EPB41L2: variants seen among roughly 807,000 people sequenced by gnomAD.
EPB41L2 encodes the protein band 4.1-like protein 2.
EPB41L2 carries 43 observed loss-of-function variants against 113.0 expected under a neutral mutation model. The ratio of observed to expected loss-of-function variants is 0.38; its 90% CI spans 0.30 to 0.49. The LOEUF is 0.49. EPB41L2 is among the 20% of genes least tolerant of loss of function. The probability of loss-of-function intolerance (pLI) is 0.95; values close to 1 mark genes in which losing one functional copy is unlikely to be tolerated. For missense variants in EPB41L2, 1,147 were observed against 1,223.4 expected (o/e 0.94, Z 0.93); for synonymous variants, 442 against 436.7 (o/e 1.01, Z -0.15).
chr6:130,985,082 A>T (rs1345923153), intron 1 of EPB41L2, among the ~76,000 whole-genome samples: 1 of 152,176 alleles, frequency 6.6e-6, no homozygotes, highest in Admixed American at 6.5e-5. Flanking sequence ...AAGCCAAAAA[A>T]ACCAGCCTGA....
At chr6:130,944,771 CAG>C (rs1185222445) in intron 3 of EPB41L2, among the ~76,000 whole-genome samples, 1 of 152,088 alleles carries the variant, frequency 6.6e-6, no homozygotes, top group African/African-American at 2.4e-5. Flanking sequence ...CAAGTGGTAA[CAG>C]AGGTCAAAAG....
chr6:130,958,068 T>C (rs1818054301), intron 1 of EPB41L2, among the ~76,000 whole-genome samples: 2 of 152,214 alleles, frequency 1.3e-5, no homozygotes, highest in African/African-American at 2.4e-5. Flanking sequence ...GGTAAGTTCA[T>C]GGGCACATGA....
intron 1 of EPB41L2, among the ~76,000 whole-genome samples, chr6:130,964,297 C>T (rs1774415020): frequency 1.3e-5 from 2 of 152,192 alleles, no homozygotes; most frequent in Admixed American, 1.3e-4. Flanking sequence ...GCTGGGATTA[C>T]AGGCATGAAC....
intron 1 of EPB41L2, among the ~76,000 whole-genome samples, chr6:130,962,356 C>A (rs891134328): frequency 2.0e-5 from 3 of 152,160 alleles, no homozygotes; most frequent in Admixed American, 6.5e-5. Context: ...ATAACAAAAA[C>A]AGGCAGACTT....
chr6:130,974,508 CAG>C (rs1161178122), intron 1 of EPB41L2, among the ~76,000 whole-genome samples: 4 of 151,938 alleles, frequency 2.6e-5, no homozygotes, highest in African/African-American at 9.7e-5. Flanking sequence ...TGGGAGAATT[CAG>C]AGAGAATGAG....
At chr6:131,041,490 G>A (rs1054870762) in intron 1 of EPB41L2, among the ~76,000 whole-genome samples, 4 of 152,156 alleles carry the variant, frequency 2.6e-5, no homozygotes, top group Admixed American at 2.0e-4. Flanking sequence ...TGTATCACTT[G>A]ATAGGAAGCA....
At chr6:130,848,182 GTCTCTCTC>G (rs903761832) in intron 19 of EPB41L2, among the ~76,000 whole-genome samples, 3 of 121,008 alleles carry the variant, frequency 2.5e-5, no homozygotes, top group African/African-American at 8.4e-5. Flanking sequence ...GTCTCTCTCT[GTCTCTCTC>G]TCTCTCTCTC....
At chr6:131,019,956 G>C (rs1007955969) in intron 1 of EPB41L2, among the ~76,000 whole-genome samples, 3 of 152,082 alleles carry the variant, frequency 2.0e-5, no homozygotes, top group African/African-American at 7.2e-5. Context: ...CTTTCCCATA[G>C]TCTAGGTCCA....
intron 1 of EPB41L2, among the ~76,000 whole-genome samples, chr6:131,029,633 C>T (rs1791652177): frequency 6.6e-6 from 1 of 152,176 alleles, no homozygotes; most frequent in Admixed American, 6.5e-5. Flanking sequence ...CACCTCAACG[C>T]CCATGGAATC....
intron 8 of EPB41L2, among the ~76,000 whole-genome samples, chr6:130,895,817 T>C (rs1794471266): frequency 6.6e-6 from 1 of 152,222 alleles, no homozygotes; most frequent in South Asian, 2.1e-4. Context: ...CTGGAATCGA[T>C]GACAATCTAG....
chr6:131,029,849 C>G (rs1791707396), intron 1 of EPB41L2, among the ~76,000 whole-genome samples: 1 of 151,524 alleles, frequency 6.6e-6, no homozygotes, highest in African/African-American at 2.4e-5. Flanking sequence ...TCTGATTGTT[C>G]TGAGCCCTTT....
At chr6:130,931,932 C>T (rs1041028664) in intron 3 of EPB41L2, among the ~76,000 whole-genome samples, 1 of 152,118 alleles carries the variant, frequency 6.6e-6, no homozygotes, top group Non-Finnish European at 1.5e-5. Flanking sequence ...CAGTAAGTTA[C>T]GTAACTTCTC....
chr6:131,035,676 A>G (rs1441058711), intron 1 of EPB41L2, among the ~76,000 whole-genome samples: 1 of 152,210 alleles, frequency 6.6e-6, no homozygotes, highest in Non-Finnish European at 1.5e-5. Flanking sequence ...GACCAGATAG[A>G]CCTGGATTCA....
chr6:131,031,932 C>T (rs1405281570), intron 1 of EPB41L2, among the ~76,000 whole-genome samples: 5 of 152,168 alleles, frequency 3.3e-5, no homozygotes, highest in African/African-American at 1.2e-4. Flanking sequence ...GCTACACTTA[C>T]TCCAAAGTGA....
In EPB41L2 at chr6:130,934,157, C is replaced by T. The variant is rs145696846; in HGVS notation, c.706-7448G>A. Reference sequence around the variant, plus strand: ...GGAAGAAGAGAGAGTGTCTCAAATCCAAGGCTGTGATTTATCAGATAATTA... The same window carrying T: ...GGAAGAAGAGAGAGTGTCTCAAATCTAAGGCTGTGATTTATCAGATAATTA... On this transcript the variant is annotated intron_variant, in intron 3 of 19. Coordinates refer to ENST00000337057, the MANE Select transcript of EPB41L2 (RefSeq NM_001431.4). 1.8e-4 allele frequency among the ~76,000 whole-genome samples: 28 copies of T among 152,174 alleles called. No individual in the cohort carries two copies. In the East Asian group the frequency reaches 5.4e-3, roughly 29 times the overall value.
At position 130,955,254 on chromosome 6, in the gene EPB41L2, C is replaced by T. The variant is rs1187761934; in HGVS notation, c.556G>A (p.Glu186Lys). 1 of 1,614,148 alleles carries T rather than the reference C, an allele frequency of 6.2e-7. No individual in the cohort carries two copies. Among genetic ancestry groups the T allele is most frequent in the Non-Finnish European group, 8.5e-7 (1 of 1,180,022 alleles). ...KVKETQEDKL[E>K]GGAAKRETKE... is the part of the protein sequence containing the mutation. ...GTCTCCCTTTTTGCTGCTCCTCCTT[C>T]TAATTTGTCTTCCTGTGTTTCTTTT... The change falls in exon 3 of 20, where the codon GAA (glutamate) becomes AAA (lysine). Residue 186 changes from glutamate (E) to lysine (K), a missense_variant. By Grantham distance (56) the Glu-to-Lys change is moderately conservative (BLOSUM62 1). Transcript: ENST00000337057.
chr6:130,855,447 T>C (rs1272753715), intron 19 of EPB41L2, among the ~76,000 whole-genome samples: 1 of 152,176 alleles, frequency 6.6e-6, no homozygotes, highest in Non-Finnish European at 1.5e-5. Flanking sequence ...CTCAGGCCAC[T>C]GGATGTTTTA....
intron 1 of EPB41L2, among the ~76,000 whole-genome samples, chr6:131,033,810 C>T (rs1792726934): frequency 6.6e-6 from 1 of 152,152 alleles, no homozygotes. Context: ...TACTGTTTAA[C>T]GGGTACAGAG....
intron 4 of EPB41L2, among the ~76,000 whole-genome samples, chr6:130,926,322 C>T (rs1421915196): frequency 6.6e-6 from 1 of 152,172 alleles, no homozygotes; most frequent in Admixed American, 6.5e-5. Flanking sequence ...CTCTTTATGC[C>T]AGAACATCAC....
Sources: gnomAD v4.1 joint callset for allele counts (sites outside exome capture counted in the v4.1 genomes callset) on GRCh38, gnomAD v4.1.1 for gene constraint, MANE v1.5 for transcripts, NCBI Gene and HGNC (gene_info 2026-07-23, HGNC 2026-07-21) for gene names.